The following PSMD14 variants were observed in gnomAD, a reference collection of about 807,000 sequenced individuals.
The protein encoded by PSMD14 is ubiquitin C-terminal hydrolase PSMD14.
PSMD14 carries 7 observed loss-of-function variants against 41.2 expected under a neutral mutation model. The ratio of observed to expected loss-of-function variants is 0.17; its 90% CI spans 0.10 to 0.32. The LOEUF (loss-of-function observed/expected upper bound fraction) is 0.32. Ranked by LOEUF, PSMD14 falls within the 10% of genes least tolerant of loss-of-function variation. The pLI, the probability that PSMD14 is intolerant of heterozygous loss-of-function variation, is 1.00. For missense variants in PSMD14, 139 were observed against 375.6 expected (o/e 0.37, Z 5.21); for synonymous variants, 114 against 122.3 (o/e 0.93, Z 0.45).
At chr2:161,369,915 C>T (rs940596482) in intron 5 of PSMD14, among the ~76,000 whole-genome samples, 192 bp from the exon 6 acceptor site, 1 of 151,986 alleles carries the variant, frequency 6.6e-6, no homozygotes, top group Non-Finnish European at 1.5e-5. Context: ...ACTCGATCGC[C>T]AACAGCAGTT....
chr2:161,400,459 T>C (rs1231543457), intron 10 of PSMD14, among the ~76,000 whole-genome samples: 7 of 152,346 alleles, frequency 4.6e-5, no homozygotes, highest in Admixed American at 3.9e-4. Context: ...ATAGGGCCAC[T>C]TATACATGGA....
intron 3 of PSMD14, among the ~76,000 whole-genome samples, chr2:161,342,662 C>A (rs1167283964): frequency 3.3e-5 from 5 of 151,260 alleles, no homozygotes; most frequent in Admixed American, 1.3e-4. Context: ...CTTTTTAATT[C>A]AGATATTTAA....
At chr2:161,309,384 A>C (rs1054292648) in intron 1 of PSMD14, among the ~76,000 whole-genome samples, 4 of 152,226 alleles carry the variant, frequency 2.6e-5, no homozygotes, top group Non-Finnish European at 5.9e-5. Flanking sequence ...ATAAAATATT[A>C]TGGAAAGGCA....
At chr2:161,371,463 G>A in intron 7 of PSMD14, 141 bp downstream of exon 7, 1 of 760,014 alleles carries the variant, frequency 1.3e-6, no homozygotes, top group South Asian at 3.0e-5. Context: ...CAAAAAAACT[G>A]TACAAGTTGA....
chr2:161,360,340 C>T (rs1049916434), intron 3 of PSMD14, among the ~76,000 whole-genome samples: 11 of 150,958 alleles, frequency 7.3e-5, no homozygotes, highest in African/African-American at 2.7e-4. Context: ...GCATGTGTCA[C>T]TGTGCCTGGC....
At chr2:161,379,659 A>G (rs1295070623) in intron 7 of PSMD14, among the ~76,000 whole-genome samples, 1 of 152,044 alleles carries the variant, frequency 6.6e-6, no homozygotes, top group African/African-American at 2.4e-5. Flanking sequence ...TCAGATGCCA[A>G]AATGAAATTA....
chr2:161,371,502 T>C (rs1208399510), intron 7 of PSMD14, among the ~76,000 whole-genome samples, 180 bp downstream of exon 7: 3 of 152,174 alleles, frequency 2.0e-5, no homozygotes, highest in Admixed American at 2.0e-4. Flanking sequence ...ATTAGCAATT[T>C]ATTTAGAGAT....
At chr2:161,398,692 C>T (rs1487762113) in intron 10 of PSMD14, among the ~76,000 whole-genome samples, 3 of 151,806 alleles carry the variant, frequency 2.0e-5, no homozygotes, top group East Asian at 1.9e-4. Flanking sequence ...GGAGATCTGA[C>T]GGTTTACTGT....
rs1242102153 is a variant in PSMD14 at position 161,408,833 on chromosome 2, A to C, written c.772-4A>C. On this transcript the variant is annotated splice_region_variant and splice_polypyrimidine_tract_variant and intron_variant, in intron 10 of 11. Coordinates refer to ENST00000409682, the MANE Select transcript of PSMD14 (RefSeq NM_005805.6). ...AAACTCTGTCCTTTGTGTTTCATTC[A>C]CAGGCTGTAGAAGAAGAAGATAAGA... is the stretch of plus-strand genomic sequence containing the variant. 2.5e-6 allele frequency: 4 copies of C among 1,598,988 alleles called. No homozygotes were observed. Among genetic ancestry groups the C allele is most frequent in the Non-Finnish European group, 3.4e-6 (4 of 1,168,238 alleles).
chr2:161,393,395 A>C (rs1220533957), intron 9 of PSMD14, among the ~76,000 whole-genome samples: 6 of 152,138 alleles, frequency 3.9e-5, no homozygotes, highest in Admixed American at 3.9e-4. Flanking sequence ...TTTTTTTGGC[A>C]TACTGTCCTT....
intron 3 of PSMD14, chr2:161,340,870 A>T: frequency 6.2e-7 from 1 of 1,613,788 alleles, no homozygotes; most frequent in Non-Finnish European, 8.5e-7. Context: ...ATCTTCTCGT[A>T]CTGGTTTCCC....
intron 3 of PSMD14, among the ~76,000 whole-genome samples, chr2:161,320,315 G>A (rs570445812): frequency 3.3e-5 from 5 of 152,246 alleles, no homozygotes; most frequent in African/African-American, 1.2e-4. Flanking sequence ...ATCCATGCTG[G>A]AAAACCCCTG....
intron 3 of PSMD14, among the ~76,000 whole-genome samples, chr2:161,336,562 A>T (rs899339568): frequency 6.6e-6 from 1 of 151,972 alleles, no homozygotes; most frequent in Non-Finnish European, 1.5e-5. Flanking sequence ...AGTTATATTT[A>T]TTATTTATTT....
At chr2:161,371,960 ATTCT>A (rs1254104135) in intron 7 of PSMD14, among the ~76,000 whole-genome samples, 1 of 148,364 alleles carries the variant, frequency 6.7e-6, no homozygotes, top group Non-Finnish European at 1.5e-5. Context: ...TTGTTCATTC[ATTCT>A]TTCTTTTTTT....
At chr2:161,350,433 A>G (rs1026859244) in intron 3 of PSMD14, among the ~76,000 whole-genome samples, 4 of 152,230 alleles carry the variant, frequency 2.6e-5, no homozygotes, top group Non-Finnish European at 4.4e-5. Flanking sequence ...TCCTAAAACT[A>G]GATGTGATAA....
At chr2:161,402,452 A>G (rs1683893233) in intron 10 of PSMD14, among the ~76,000 whole-genome samples, 1 of 152,066 alleles carries the variant, frequency 6.6e-6, no homozygotes, top group Non-Finnish European at 1.5e-5. Context: ...AGGCCTGGGC[A>G]ACATAGAGAG....
chr2:161,340,771 G>A, intron 3 of PSMD14: 1 of 1,612,386 alleles, frequency 6.2e-7, no homozygotes, highest in East Asian at 2.2e-5. Context: ...CTTTTAAGAT[G>A]CCAAAAGGAA....
chr2:161,411,265 G>T (rs1445151994), intron 11 of PSMD14, 37 bp from the exon 12 acceptor site: 3 of 1,419,948 alleles, frequency 2.1e-6, no homozygotes, highest in Non-Finnish European at 2.9e-6. Context: ...CCAGTAATAT[G>T]GTTCTGTTTT....
Position 161,385,458 on chromosome 2 carries a change from T to A in PSMD14, c.463-6T>A. ...AAAAAATTGACTTGACACCTTGTTT[T>A]TACAGGTTGTTATTGATGCCTTCAG... On this transcript the variant is annotated splice_polypyrimidine_tract_variant and splice_region_variant and intron_variant, in intron 7 of 11. Transcript: ENST00000409682. 1 of 1,579,028 alleles carries A rather than the reference T, an allele frequency of 6.3e-7. No individual in the cohort carries two copies. The highest frequency in any genetic ancestry group is 8.6e-7 in the Non-Finnish European group (1 of 1,156,944).
Sources: allele counts gnomAD v4.1 joint callset (sites outside exome capture counted in the v4.1 genomes callset), GRCh38; gene constraint gnomAD v4.1.1; transcripts MANE v1.5; gene names NCBI Gene and HGNC (gene_info 2026-07-23, HGNC 2026-07-21).